Variants in WBP2NL observed in about 807,000 individuals in gnomAD.
WBP2NL encodes the protein WBP2 N-terminal like, also known as postacrosomal sheath WW domain-binding protein.
Under a neutral mutation model 23.3 loss-of-function variants are expected in WBP2NL, and 27 were observed. The observed-to-expected ratio is 1.16, with a 90% confidence interval of 0.85 to 1.60. The LOEUF (loss-of-function observed/expected upper bound fraction) is 1.60, where lower values mean the gene tolerates loss of function less well. Among genes scored for constraint, WBP2NL ranks in the 40% most tolerant of loss-of-function variants. The pLI is 0.00. For synonymous variants in WBP2NL, 151 were observed against 145.9 expected, an observed-to-expected ratio of 1.03 and a Z score of -0.25; for missense variants, 370 against 389.5, an observed-to-expected ratio of 0.95 and a Z score of 0.42.
Position 42,028,325 on chromosome 22 carries a change from G to A in WBP2NL, c.*1144G>A, listed in dbSNP as rs887976590. 16 of 346,844 alleles carry A rather than the reference G, an allele frequency of 4.6e-5. No homozygotes were observed. The highest frequency in any genetic ancestry group is 2.3e-4 in the African/African-American group (11 of 47,600). The allele number at this position is 346,844 out of a possible 1,614,324, so 21.5% of individuals were successfully genotyped here. On this transcript the variant is annotated 3_prime_UTR_variant, in exon 6 of 6. Transcript: ENST00000328823. ...CAAATATTTATATTTTATAACAAAC[G>A]TTTATATTTGTATATTTATAACAAA...
chr22:42,002,330 C>A (rs1170754085), intron 1 of WBP2NL, among the ~76,000 whole-genome samples: 1 of 152,210 alleles, frequency 6.6e-6, no homozygotes, highest in Non-Finnish European at 1.5e-5. Context: ...CGCCTGTAAT[C>A]CCAGCACTTT....
intron 8 of WBP2NL, among the ~76,000 whole-genome samples, chr22:42,046,550 C>T: frequency 6.6e-6 from 1 of 152,158 alleles, no homozygotes; most frequent in East Asian, 1.9e-4. Context: ...TTTGTCACAT[C>T]ATTTTTAGAA....
intron 5 of WBP2NL, 31 bp from the exon 6 acceptor site, chr22:42,026,735 T>A: frequency 6.3e-7 from 1 of 1,599,346 alleles, no homozygotes; most frequent in Non-Finnish European, 8.5e-7. Context: ...TAAAGGTAAC[T>A]GAATTTTTTT....
chr22:41,999,096 G>C (rs538152859), intron 1 of WBP2NL, among the ~76,000 whole-genome samples: 1 of 152,192 alleles, frequency 6.6e-6, no homozygotes, highest in East Asian at 1.9e-4. Context: ...GCGCGTTTGA[G>C]GGGTGGGGGT....
At chr22:42,009,534 A>G (rs1165805124) in intron 1 of WBP2NL, among the ~76,000 whole-genome samples, 1 of 152,204 alleles carries the variant, frequency 6.6e-6, no homozygotes, top group African/African-American at 2.4e-5. Context: ...GCATGTGGAT[A>G]TCCAGTTTTC....
intron 1 of WBP2NL, among the ~76,000 whole-genome samples, chr22:42,018,458 A>T (rs1923548275): frequency 6.6e-6 from 1 of 151,214 alleles, no homozygotes; most frequent in Non-Finnish European, 1.5e-5. Flanking sequence ...GGAAGGAGGG[A>T]GGGAGAAAGA....
chr22:42,001,633 G>C (rs1388236526), intron 1 of WBP2NL: 3 of 1,142,106 alleles, frequency 2.6e-6, no homozygotes, highest in Non-Finnish European at 4.0e-6. Flanking sequence ...TCCCTGCAAA[G>C]TAGCGCCAAA....
chr22:42,042,816 T>C (rs1925443268), intron 8 of WBP2NL, among the ~76,000 whole-genome samples: 1 of 152,114 alleles, frequency 6.6e-6, no homozygotes, highest in African/African-American at 2.4e-5. Context: ...TCCAGCACTT[T>C]GGGAGGCCAA....
At chr22:42,003,690 G>A (rs144045016) in intron 1 of WBP2NL, among the ~76,000 whole-genome samples, 6 of 152,160 alleles carry the variant, frequency 3.9e-5, no homozygotes, top group East Asian at 1.9e-4. Flanking sequence ...TATGGGTTGC[G>A]AAAAAACTAT....
chr22:42,038,375 G>GC (rs2146814346), intron 8 of WBP2NL, among the ~76,000 whole-genome samples: 1 of 152,238 alleles, frequency 6.6e-6, no homozygotes, highest in Admixed American at 6.5e-5. Flanking sequence ...AATTTGGTTT[G>GC]CTAGTGTTTT....
rs1464719105 is a variant in WBP2NL at position 42,020,071 on chromosome 22, G to A, written c.381G>A (p.Gln127=). Residue 127 remains glutamine, a synonymous_variant, in exon 4 of 6, where the codon CAG becomes CAA. Transcript: ENST00000328823. The part of the protein sequence containing the change: ...FRNGDAIEFA[Q]LMVKAASAAA... ...ATGGAGATGCCATTGAATTTGCCCA[G>A]TTGATGGTGAAAGCTGCCTCTGCTG... 1 of 1,613,968 alleles carries A rather than the reference G, an allele frequency of 6.2e-7. No individual in the cohort carries two copies. Among genetic ancestry groups the A allele is most frequent in the African/African-American group, 1.3e-5 (1 of 74,934 alleles).
At chr22:42,023,455 G>A (rs74538360) in intron 5 of WBP2NL, among the ~76,000 whole-genome samples, 17,081 of 151,902 alleles carry the variant, frequency 0.11, 1,258 homozygotes, top group Middle Eastern at 0.17. Context: ...TTGCCCTCCC[G>A]AGGTGCTGGG....
chr22:42,013,366 A>G (rs1229071600), intron 1 of WBP2NL, among the ~76,000 whole-genome samples: 1 of 151,844 alleles, frequency 6.6e-6, no homozygotes, highest in Non-Finnish European at 1.5e-5. Context: ...AGCCTGGGCA[A>G]CAAAAGTGAA....
chr22:42,005,540 T>A (rs1213040388), intron 1 of WBP2NL, among the ~76,000 whole-genome samples: 2 of 152,092 alleles, frequency 1.3e-5, no homozygotes, highest in Non-Finnish European at 2.9e-5. Flanking sequence ...AATAAATAGA[T>A]GAAGCCTGTG....
chr22:42,012,565 T>C (rs1232220607), intron 1 of WBP2NL, among the ~76,000 whole-genome samples: 2 of 152,222 alleles, frequency 1.3e-5, no homozygotes, highest in Non-Finnish European at 2.9e-5. Context: ...AAACATATTA[T>C]AAAATATAGC....
chr22:42,040,303 A>G (rs1602477560), intron 8 of WBP2NL, among the ~76,000 whole-genome samples: 1 of 149,316 alleles, frequency 6.7e-6, no homozygotes. Flanking sequence ...GCTCACTGCA[A>G]CCTCCGCCTC....
chr22:42,020,892 ATATATATATATATATATTTTTTTTT>A (rs1569450022), intron 4 of WBP2NL, among the ~76,000 whole-genome samples: 78 of 43,048 alleles, frequency 1.8e-3, no homozygotes, highest in Non-Finnish European at 2.4e-3. Flanking sequence ...ATATATATAT[ATATATATATATATATATTTTTTTTT>A]TTTTTTTTTT....
At chr22:42,037,171 C>T (rs1200484125), downstream of WBP2NL, among the ~76,000 whole-genome samples, 3 of 145,358 alleles carry the variant, frequency 2.1e-5, no homozygotes, top group Non-Finnish European at 4.6e-5. Context: ...TGTGTAGATA[C>T]CCAGTTTTTC....
chr22:41,998,837 C>G lies in WBP2NL; in HGVS notation c.19C>G (p.His7Asp), dbSNP rs1356684463. Residue 7 changes from histidine (H) to aspartate (D), a missense_variant, in exon 1 of 6, where the codon CAC becomes GAC. Coordinates refer to ENST00000328823, the MANE Select transcript of WBP2NL (RefSeq NM_152613.3). The stretch of plus-strand genomic sequence containing the variant: ...AAGCAAGATGGCGGTGAATCAGAGC[C>G]ACACCGAGAACCGCCGCGGAGCCCT... The part of the protein sequence containing the change: MAVNQS[H>D]TENRRGALIP... 6.2e-7 allele frequency: 1 copy of G among 1,612,144 alleles called. No individual in the cohort carries two copies. Among genetic ancestry groups the G allele is most frequent in the Admixed American group, 1.7e-5 (1 of 59,854 alleles).
Sources: gnomAD v4.1 joint callset for allele counts (sites outside exome capture counted in the v4.1 genomes callset) on GRCh38, gnomAD v4.1.1 for gene constraint, MANE v1.5 for transcripts, NCBI Gene and HGNC (gene_info 2026-07-23, HGNC 2026-07-21) for gene names.